Variants in INPP4A observed in about 807,000 individuals in gnomAD.
INPP4A encodes inositol polyphosphate-4-phosphatase, type I, 107kD.
A neutral mutation model predicts 119.8 loss-of-function variants in INPP4A; 33 were observed. The observed-to-expected ratio is 0.28, with a 90% CI of 0.21 to 0.37. INPP4A has a LOEUF of 0.37. INPP4A is among the 10% of genes least tolerant of loss of function. INPP4A has a pLI of 1.00. For missense variants in INPP4A, 956 were observed against 1,289.9 expected, an observed-to-expected ratio of 0.74 and a Z score of 3.97; for synonymous variants, 496 against 500.7, an observed-to-expected ratio of 0.99 and a Z score of 0.12.
intron 1 of INPP4A, among the ~76,000 whole-genome samples, chr2:98,491,207 TAGTC>T (rs1680682287): frequency 6.6e-6 from 1 of 152,206 alleles, no homozygotes; most frequent in Non-Finnish European, 1.5e-5. Flanking sequence ...GGTAGTAACA[TAGTC>T]AGATGGCAGA....
chr2:98,464,454 T>G (rs1377841045), intron 1 of INPP4A, among the ~76,000 whole-genome samples: 1 of 151,002 alleles, frequency 6.6e-6, no homozygotes, highest in East Asian at 1.9e-4. Context: ...AAGCAGGGGG[T>G]TTAGGGGAGA....
At chr2:98,474,333 C>G (rs527805778) in intron 1 of INPP4A, among the ~76,000 whole-genome samples, 1 of 152,194 alleles carries the variant, frequency 6.6e-6, no homozygotes. Flanking sequence ...TTTTTTGAAG[C>G]AGGATTCTTA....
At chr2:98,467,041 G>A (rs974151096) in intron 1 of INPP4A, among the ~76,000 whole-genome samples, 2 of 152,210 alleles carry the variant, frequency 1.3e-5, no homozygotes, top group Admixed American at 6.5e-5. Context: ...TCTGCATCTG[G>A]TGAGGCCTCA....
intron 1 of INPP4A, among the ~76,000 whole-genome samples, chr2:98,457,526 A>G (rs17031975): frequency 0.015 from 2,360 of 152,360 alleles, 69 homozygotes; most frequent in African/African-American, 0.054. Flanking sequence ...GCTGTTTTGT[A>G]AACTATTAGG....
intron 1 of INPP4A, among the ~76,000 whole-genome samples, chr2:98,453,415 A>G (rs924746884): frequency 6.6e-6 from 1 of 152,236 alleles, no homozygotes; most frequent in Non-Finnish European, 1.5e-5. Context: ...TACGTTTCCT[A>G]TGGGAAGGAT....
chr2:98,548,899 A>G (rs551636553), intron 13 of INPP4A: 4 of 1,541,054 alleles, frequency 2.6e-6, no homozygotes, highest in African/African-American at 2.8e-5. Flanking sequence ...TTGTTTTTGC[A>G]TTTGGTATTT....
In INPP4A at chr2:98,565,623, C is replaced by T. The variant is rs777451026; in HGVS notation, c.2153-17C>T. On this transcript the variant is annotated splice_polypyrimidine_tract_variant and intron_variant, in intron 19 of 24. Coordinates refer to ENST00000409851, the MANE Select transcript of INPP4A (RefSeq NM_001134225.2). ...AGGGCCCTCTGCCTGACAGCCCTGC[C>T]CCTCTCTCATGTCCAGGGGAGGAGC... 2 of 1,594,802 alleles carry T rather than the reference C, an allele frequency of 1.3e-6. No homozygotes were observed. Among genetic ancestry groups the T allele is most frequent in the South Asian group, 1.1e-5 (1 of 89,702 alleles).
intron 3 of INPP4A, among the ~76,000 whole-genome samples, chr2:98,520,438 C>A (rs1260675048): frequency 6.6e-6 from 1 of 152,186 alleles, no homozygotes; most frequent in Non-Finnish European, 1.5e-5. Context: ...TTTGCTGGCC[C>A]ATGCCCAGGC....
At chr2:98,522,149 T>C (rs145203463) in intron 4 of INPP4A, among the ~76,000 whole-genome samples, 36,845 of 151,710 alleles carry the variant, frequency 0.24, 4,622 homozygotes, top group Middle Eastern at 0.35. Context: ...TAGCCAGGCA[T>C]GATGGTGCGT....
At chr2:98,495,612 A>T (rs2105307225) in intron 1 of INPP4A, among the ~76,000 whole-genome samples, 1 of 152,362 alleles carries the variant, frequency 6.6e-6, no homozygotes. Flanking sequence ...GGTCCGGGAC[A>T]ACTTGAAATG....
intron 1 of INPP4A, among the ~76,000 whole-genome samples, chr2:98,486,347 T>C (rs3769729): frequency 0.28 from 42,045 of 152,152 alleles, 5,874 homozygotes; most frequent in Middle Eastern, 0.35. Context: ...GAAAATCCTC[T>C]TCCTTGTCTA....
chr2:98,498,336 T>G (rs1682450112), intron 1 of INPP4A, among the ~76,000 whole-genome samples: 1 of 152,086 alleles, frequency 6.6e-6, no homozygotes, highest in Non-Finnish European at 1.5e-5. Context: ...TTCACTTGGC[T>G]CTCATTCTCT....
chr2:98,512,793 G>A (rs1366326170), intron 1 of INPP4A, among the ~76,000 whole-genome samples: 3 of 152,158 alleles, frequency 2.0e-5, no homozygotes, highest in Non-Finnish European at 2.9e-5. Context: ...TGTGGACCAG[G>A]GTGCTGGGGG....
Position 98,564,770 on chromosome 2 carries a change from C to T in INPP4A, c.2152+7C>T, listed in dbSNP as rs779643769. 75 of 1,576,436 alleles carry T rather than the reference C, an allele frequency of 4.8e-5. No individual in the cohort carries two copies. The highest frequency in any genetic ancestry group is 6.1e-5 in the Non-Finnish European group (71 of 1,159,862). On this transcript the variant is annotated splice_region_variant and intron_variant, in intron 19 of 24. Coordinates refer to ENST00000409851, the MANE Select transcript of INPP4A (RefSeq NM_001134225.2). ...AGCCTGCTGAGCACCTACGGTGAGG[C>T]GCCCGGGCCAGGATCGGGAGCCCCA...
chr2:98,500,437 G>A (rs188389768), intron 1 of INPP4A, among the ~76,000 whole-genome samples: 1 of 152,274 alleles, frequency 6.6e-6, no homozygotes, highest in African/African-American at 2.4e-5. Context: ...GGGCATGTCT[G>A]CTGTTCCAGA....
At position 98,588,809 on chromosome 2, in the gene INPP4A, A is replaced by T. The variant is rs562949671; in HGVS notation, c.*1201A>T. The T allele has an allele frequency of 4.5e-6, 1 of 220,846 alleles. No homozygotes were observed. Among genetic ancestry groups the T allele is most frequent in the South Asian group, 1.8e-4 (1 of 5,426 alleles). 13.7% of individuals were successfully genotyped at this position (220,846 alleles called of 1,614,324 possible). A position where few individuals can be genotyped will look rare whatever the true frequency, so the allele number is the denominator to read the frequency against. On this transcript the variant is annotated 3_prime_UTR_variant, in exon 25 of 25. Transcript: ENST00000409851. ...TCTTAGGAGTTTATATGTTTTATTG[A>T]TTCTGTTTACGATGTTTACATGTTC...
At chr2:98,490,693 C>G (rs1680539050) in intron 1 of INPP4A, among the ~76,000 whole-genome samples, 1 of 152,164 alleles carries the variant, frequency 6.6e-6, no homozygotes, top group African/African-American at 2.4e-5. Flanking sequence ...ACATCTTGCC[C>G]TAGAATTGCC....
intron 18 of INPP4A, among the ~76,000 whole-genome samples, chr2:98,563,890 A>G (rs1695949349): frequency 6.7e-6 from 1 of 149,194 alleles, no homozygotes; most frequent in Admixed American, 6.6e-5. Context: ...TGCACCCAGG[A>G]GATAGTGAGG....
intron 23 of INPP4A, among the ~76,000 whole-genome samples, chr2:98,573,262 G>T (rs572315264): frequency 2.6e-5 from 4 of 152,322 alleles, no homozygotes; most frequent in South Asian, 2.1e-4. Flanking sequence ...TCAGAAGGAG[G>T]CCATGTGACC....
Sources: gnomAD v4.1 joint callset for allele counts (sites outside exome capture counted in the v4.1 genomes callset) on GRCh38, gnomAD v4.1.1 for gene constraint, MANE v1.5 for transcripts, NCBI Gene and HGNC (gene_info 2026-07-23, HGNC 2026-07-21) for gene names.